Variants in DMD observed in about 807,000 individuals in gnomAD.
The protein encoded by DMD is dystrophin.
DMD carries 63 observed loss-of-function variants against 330.1 expected under a neutral mutation model. The ratio of observed to expected loss-of-function variants is 0.19; its 90% confidence interval spans 0.16 to 0.24. The LOEUF is 0.24. Ranked by LOEUF, DMD falls within the 10% of genes least tolerant of loss-of-function variation. DMD has a pLI of 1.00. For missense variants in DMD, 3,344 were observed against 2,684.1 expected (o/e 1.25, Z -5.43); for synonymous variants, 1,223 against 959.8 (o/e 1.27, Z -5.07).
At chrX:32,737,179 G>T (rs1299222767) in intron 7 of DMD, among the ~76,000 whole-genome samples, 7 of 108,453 alleles carry the variant, frequency 6.5e-5, no homozygotes, top group Non-Finnish European at 1.3e-4. Flanking sequence ...TTTTTTTCTT[G>T]AAAACTCAGC....
intron 62 of DMD, among the ~76,000 whole-genome samples, chrX:31,306,154 G>A (rs1450213325): frequency 9.0e-6 from 1 of 111,067 alleles, no homozygotes; most frequent in African/African-American, 3.3e-5. Flanking sequence ...GTCAAAGAAT[G>A]GAGAATTGCC....
chrX:32,395,707 G>A (rs1013599772), intron 30 of DMD, among the ~76,000 whole-genome samples: 54 of 111,540 alleles, frequency 4.8e-4, no homozygotes, highest in African/African-American at 1.6e-3. Context: ...GGGTTTTGGA[G>A]GGTCAGAGAA....
intron 2 of DMD, among the ~76,000 whole-genome samples, chrX:32,963,326 T>C (rs2091979206): frequency 8.9e-6 from 1 of 111,989 alleles, no homozygotes; most frequent in African/African-American, 3.2e-5. Context: ...AATAAATTAA[T>C]ATAACCTCAA....
At chrX:32,341,964 C>A in intron 41 of DMD, 136 bp downstream of exon 41, 1 of 631,259 alleles carries the variant, frequency 1.6e-6, no homozygotes, top group South Asian at 4.0e-5. Flanking sequence ...GTGAGGGAAA[C>A]CACTCACTTT....
chrX:31,916,557 A>G (rs1307794808), intron 47 of DMD, among the ~76,000 whole-genome samples: 1 of 112,158 alleles, frequency 8.9e-6, no homozygotes, highest in Non-Finnish European at 1.9e-5. Flanking sequence ...AAGTGATTTT[A>G]GAAGATCATT....
At chrX:32,633,435 C>G (rs1365362197) in intron 11 of DMD, among the ~76,000 whole-genome samples, 2 of 112,053 alleles carry the variant, frequency 1.8e-5, no homozygotes, top group Non-Finnish European at 1.9e-5. Flanking sequence ...ACTTTGGTAA[C>G]AATCATTTAA....
chrX:32,523,361 C>T (rs2046624791), intron 17 of DMD, among the ~76,000 whole-genome samples: 1 of 111,714 alleles, frequency 9.0e-6, no homozygotes, highest in Non-Finnish European at 1.9e-5. Context: ...AACCAAAAAC[C>T]CTCTCCTCCA....
intron 43 of DMD, among the ~76,000 whole-genome samples, chrX:32,241,717 T>C (rs983299969): frequency 1.2e-4 from 13 of 112,693 alleles, no homozygotes; most frequent in African/African-American, 3.5e-4. Context: ...TTTGATTATC[T>C]TGTCATCAAC....
At chrX:33,329,765 T>A (rs913698258) in intron 1 of DMD, among the ~76,000 whole-genome samples, 1 of 111,796 alleles carries the variant, frequency 8.9e-6, no homozygotes, top group Admixed American at 9.6e-5. Flanking sequence ...GAGTATTGAC[T>A]AGGAAGTGGT....
intron 2 of DMD, among the ~76,000 whole-genome samples, chrX:32,862,607 T>A (rs2082150707): frequency 1.7e-5 from 1 of 58,779 alleles, no homozygotes; most frequent in Non-Finnish European, 2.9e-5. Context: ...TTATGGTAAA[T>A]GCTTTATCTT....
intron 38 of DMD, 29 bp from the exon 39 acceptor site, chrX:32,346,109 A>T: frequency 1.7e-6 from 2 of 1,205,177 alleles, no homozygotes; most frequent in Non-Finnish European, 2.2e-6. Context: ...TACAGTCTTC[A>T]TTTTGGTTTT....
At chrX:32,522,538 T>C (rs1244038986) in intron 17 of DMD, among the ~76,000 whole-genome samples, 1 of 112,089 alleles carries the variant, frequency 8.9e-6, no homozygotes, top group Non-Finnish European at 1.9e-5. Context: ...TATACGGTAG[T>C]AAAAACATAT....
intron 28 of DMD, 33 bp from the exon 29 acceptor site, chrX:32,438,423 C>A: frequency 8.4e-7 from 1 of 1,191,413 alleles, no homozygotes; most frequent in East Asian, 3.0e-5. Context: ...ACTATTTCTC[C>A]TTTTTTTTCT....
At chrX:32,434,944 C>T (rs201607974) in intron 29 of DMD, among the ~76,000 whole-genome samples, 2 of 110,322 alleles carry the variant, frequency 1.8e-5, no homozygotes, top group East Asian at 5.7e-4. Flanking sequence ...CAAATAACTC[C>T]CAGGTTATTA....
chrX:32,252,020 A>G (rs2097265405), intron 43 of DMD, among the ~76,000 whole-genome samples: 1 of 111,621 alleles, frequency 9.0e-6, no homozygotes, highest in African/African-American at 3.3e-5. Context: ...TAAGTAAAAC[A>G]AAATTTAAGA....
intron 44 of DMD, among the ~76,000 whole-genome samples, chrX:32,155,709 A>G (rs755763753): frequency 8.9e-6 from 1 of 111,787 alleles, no homozygotes; most frequent in African/African-American, 3.3e-5. Flanking sequence ...GTAACAAACC[A>G]GAGACCTGAT....
At chrX:31,508,524 G>T (rs764109854) in intron 55 of DMD, 2 of 190,039 alleles carry the variant, frequency 1.1e-5, no homozygotes, top group South Asian at 3.1e-4. Flanking sequence ...TTATCATTCT[G>T]CCATTACAAG....
chrX:32,132,993 C>CTTTTCT (rs2096705124), intron 44 of DMD, among the ~76,000 whole-genome samples: 12 of 75,977 alleles, frequency 1.6e-4, no homozygotes, highest in African/African-American at 8.3e-4. Flanking sequence ...CTTTTCTTTT[C>CTTTTCT]TTTTTTTTTT....
intron 11 of DMD, among the ~76,000 whole-genome samples, chrX:32,637,248 A>T (rs5928064): frequency 0.45 from 49,727 of 110,467 alleles, 9,009 homozygotes; most frequent in African/African-American, 0.68. Flanking sequence ...TCAACTTCAA[A>T]AATTTTGCCA....
Sources: gnomAD v4.1 joint callset for allele counts (sites outside exome capture counted in the v4.1 genomes callset) on GRCh38, gnomAD v4.1.1 for gene constraint, MANE v1.5 for transcripts, NCBI Gene and HGNC (gene_info 2026-07-23, HGNC 2026-07-21) for gene names.